Variants in ADCY3 observed in about 807,000 individuals in gnomAD.
The protein encoded by ADCY3 is adenylate cyclase 3.
Under a neutral mutation model 119.4 loss-of-function variants are expected in ADCY3, and 70 were observed. The observed-to-expected ratio is 0.59, with a 90% CI of 0.48 to 0.72. The LOEUF (loss-of-function observed/expected upper bound fraction) is 0.72. Ranked by LOEUF, ADCY3 falls within the 30% of genes least tolerant of loss-of-function variation. ADCY3 has a pLI of 0.00. For missense variants in ADCY3, 1,238 were observed against 1,541.6 expected (o/e 0.80, Z 3.30); for synonymous variants, 672 against 621.4 (o/e 1.08, Z -1.21).
Position 24,918,628 on chromosome 2 carries a change from G to A in ADCY3, c.360C>T (p.Ile120=). Residue 120 remains isoleucine, a synonymous_variant, in exon 2 of 22, where the codon ATC becomes ATT. Coordinates refer to ENST00000679454, the MANE Select transcript of ADCY3 (RefSeq NM_004036.5). This position sits in a 1 kb window ranked among gnomAD's most constrained non-coding sequence, Gnocchi z 5.4. ...GCCCCTTTTTGCAGAGCACGAAGAG[G>A]ATGATGTCCAACACCAGTCCAATTC... ...VAGIGLVLDI[I]LFVLCKKGLL... is the part of the protein sequence containing the mutation. 6.2e-7 allele frequency: 1 copy of A among 1,614,162 alleles called. No individual in the cohort carries two copies. Among genetic ancestry groups the A allele is most frequent in the Non-Finnish European group, 8.5e-7 (1 of 1,180,034 alleles).
chr2:24,862,501 G>A (rs1673785525), intron 3 of ADCY3, among the ~76,000 whole-genome samples: 1 of 151,544 alleles, frequency 6.6e-6, no homozygotes, highest in South Asian at 2.1e-4. Context: ...AGCCGAGATC[G>A]TGCCACTGCA....
intron 3 of ADCY3, among the ~76,000 whole-genome samples, chr2:24,843,143 G>C (rs943298588): frequency 6.6e-6 from 1 of 152,236 alleles, no homozygotes; most frequent in East Asian, 1.9e-4. Context: ...AGGGATTTCT[G>C]TGGAGGTAAA....
intron 2 of ADCY3, among the ~76,000 whole-genome samples, chr2:24,908,212 C>T (rs1370799939): frequency 1.3e-5 from 2 of 151,814 alleles, no homozygotes; most frequent in African/African-American, 4.8e-5. Flanking sequence ...ACCCCAGCTA[C>T]TCGGGAAGGC....
At chr2:24,825,270 A>T (rs1668411219) in intron 16 of ADCY3, among the ~76,000 whole-genome samples, 1 of 146,856 alleles carries the variant, frequency 6.8e-6, no homozygotes, top group African/African-American at 2.6e-5. Context: ...AGTACAGAGG[A>T]TCTTTCTCTT....
At position 24,820,117 on chromosome 2, in the gene ADCY3, GGA is replaced by G. The variant is rs1369147573; in HGVS notation, c.3253-5_3253-4del. The G allele has an allele frequency of 2.0e-6, 3 of 1,538,150 alleles. No individual in the cohort carries two copies. In the South Asian group the frequency reaches 3.8e-5, roughly 19 times the overall value. ...ATGACTTGGGTTTCTTCTACCACCT[GGA>G]GAGGGAGGGGGAGCAAGAACGTGGC... is the stretch of plus-strand genomic sequence containing the variant. On this transcript the variant is annotated splice_polypyrimidine_tract_variant and splice_region_variant and intron_variant, in intron 21 of 21. Transcript: ENST00000679454.
At position 24,894,265 on chromosome 2, in the gene ADCY3, T is replaced by C. The variant is rs1573012136; in HGVS notation, c.676-21546A>G. On this transcript the variant is annotated intron_variant, in intron 2 of 21. Transcript: ENST00000679454. ...TGCGAGGCCATGGTGGGAGAACTGC[T>C]TGAGGCCAGGAGTTCAAGACCAGCC... Among the ~76,000 whole-genome samples, 5 of 152,298 alleles carry C rather than the reference T, an allele frequency of 3.3e-5. 1 individual carries two copies. The South Asian group carries it at 1.0e-3, about 32-fold the overall frequency.
chr2:24,834,998 G>T lies in ADCY3; in HGVS notation c.1663-62C>A, dbSNP rs1670109635. ...GGACAGAGTGGTGGGGAAGAGCTGG[G>T]AAAGACAGAGGTGGAGGAGGAAAGG... On this transcript the variant is annotated intron_variant, in intron 9 of 21. Coordinates refer to ENST00000679454, the MANE Select transcript of ADCY3 (RefSeq NM_004036.5). The surrounding 1 kb of genome is among the most constrained non-coding windows in gnomAD (Gnocchi z 4.2). 1.0e-5 allele frequency: 16 copies of T among 1,571,416 alleles called. No homozygotes were observed. The highest frequency in any genetic ancestry group is 1.3e-5 in the African/African-American group (1 of 74,462).
chr2:24,904,347 T>G (rs888839801), intron 2 of ADCY3, among the ~76,000 whole-genome samples: 1 of 151,986 alleles, frequency 6.6e-6, no homozygotes, highest in Admixed American at 6.6e-5. Context: ...CTGACCAACA[T>G]GGCGAAACCC....
chr2:24,892,183 C>A (rs1316261182), intron 2 of ADCY3, among the ~76,000 whole-genome samples: 1 of 151,194 alleles, frequency 6.6e-6, no homozygotes, highest in African/African-American at 2.4e-5. Context: ...TAGTCTGTTA[C>A]TTCTACTTCC....
intron 3 of ADCY3, among the ~76,000 whole-genome samples, chr2:24,850,169 C>T (rs534687451): frequency 6.6e-6 from 1 of 152,178 alleles, no homozygotes; most frequent in African/African-American, 2.4e-5. Context: ...GGTGTCTGTT[C>T]CTCCCTCCTC....
At chr2:24,886,776 C>T (rs1021866350) in intron 2 of ADCY3, among the ~76,000 whole-genome samples, 2 of 152,242 alleles carry the variant, frequency 1.3e-5, no homozygotes, top group African/African-American at 4.8e-5. Context: ...CTCGGATGAG[C>T]CTGCCCTGGG....
chr2:24,869,107 A>G (rs1251273524), intron 3 of ADCY3, among the ~76,000 whole-genome samples: 5 of 152,236 alleles, frequency 3.3e-5, no homozygotes, highest in Middle Eastern at 3.2e-3. Context: ...GGCTAAAACA[A>G]TAAGCCTTAG....
chr2:24,886,424 C>T (rs963443215), intron 2 of ADCY3, among the ~76,000 whole-genome samples: 4 of 152,190 alleles, frequency 2.6e-5, no homozygotes, highest in Non-Finnish European at 5.9e-5. Context: ...AGCCTCCTTG[C>T]GCTACATCAT....
In ADCY3 at chr2:24,898,226, T is replaced by A. The variant is rs1678504955; in HGVS notation, c.675+20087A>T. 6.6e-6 allele frequency among the ~76,000 whole-genome samples: 1 copy of A among 152,078 alleles called. No homozygotes were observed. Among genetic ancestry groups the A allele is most frequent in the South Asian group, 2.1e-4 (1 of 4,834 alleles). On this transcript the variant is annotated intron_variant, in intron 2 of 21. Transcript: ENST00000679454. This position sits in a 1 kb window ranked among gnomAD's most constrained non-coding sequence, Gnocchi z 4.3. ...CCTTCACGGCCCAGCTCAGTACTCC[T>A]CCTCCTGAGGGGCTTTTCTCTCCAC...
chr2:24,850,788 T>A (rs926874822), intron 3 of ADCY3, among the ~76,000 whole-genome samples: 1 of 152,220 alleles, frequency 6.6e-6, no homozygotes, highest in African/African-American at 2.4e-5. Context: ...ATCCTCTGGA[T>A]GGAAGATTCT....
In ADCY3 at chr2:24,833,043, G is replaced by T. The variant is rs1361103498; in HGVS notation, c.1968-1294C>A. 2.0e-5 allele frequency among the ~76,000 whole-genome samples: 3 copies of T among 152,200 alleles called. No individual in the cohort carries two copies. In the East Asian group the frequency reaches 5.8e-4, roughly 29 times the overall value. On this transcript the variant is annotated intron_variant, in intron 11 of 21. Transcript: ENST00000679454. ...CATCTATCGACGGAATCCAACCACTGATCCTCCTCTATCCTCGGCCTGGCC... is the reference window on the plus strand; with the variant it reads ...CATCTATCGACGGAATCCAACCACTTATCCTCCTCTATCCTCGGCCTGGCC...
chr2:24,873,162 C>T (rs1045790234), intron 2 of ADCY3, among the ~76,000 whole-genome samples: 2 of 152,224 alleles, frequency 1.3e-5, no homozygotes, highest in African/African-American at 2.4e-5. Flanking sequence ...GGAGGGTGCA[C>T]AAATCCCAGG....
rs967338808 is a variant in ADCY3, at chr2:24,878,322, C to T, written c.676-5603G>A. Among the ~76,000 whole-genome samples the T allele has an allele frequency of 2.0e-5, 3 of 152,146 alleles. No individual in the cohort carries two copies. Among genetic ancestry groups the T allele is most frequent in the Non-Finnish European group, 2.9e-5 (2 of 68,036 alleles). On this transcript the variant is annotated intron_variant, in intron 2 of 21. Transcript: ENST00000679454. This position sits in a 1 kb window ranked among gnomAD's most constrained non-coding sequence, Gnocchi z 4.0. ...AGTTTACGCATCGCAAGATCCTTCA[C>T]GTTTGCTAACAACCCGTAGGGAAAT...
chr2:24,893,421 C>T (rs1198307920), intron 2 of ADCY3, among the ~76,000 whole-genome samples: 1 of 150,992 alleles, frequency 6.6e-6, no homozygotes, highest in East Asian at 2.0e-4. Context: ...CTTGCTCTGT[C>T]ACCCAGGCTG....
Sources: gnomAD v4.1 joint callset for allele counts (sites outside exome capture counted in the v4.1 genomes callset) on GRCh38, gnomAD v4.1.1 for gene constraint, Gnocchi (gnomAD v3.1) non-coding constraint, MANE v1.5 for transcripts, NCBI Gene and HGNC (gene_info 2026-07-23, HGNC 2026-07-21) for gene names.